Variants in LRP1B observed in about 807,000 individuals in gnomAD.
LRP1B encodes the protein LDL receptor related protein 1B, also known as low-density lipoprotein receptor-related protein 1B.
A neutral mutation model predicts 556.6 loss-of-function variants in LRP1B; 217 were observed. The ratio of observed to expected loss-of-function variants is 0.39; its 90% confidence interval spans 0.35 to 0.44. The LOEUF is 0.44. LRP1B is among the 20% of genes least tolerant of loss of function. The probability of loss-of-function intolerance (pLI) is 1.00; values close to 1 mark genes in which losing one functional copy is unlikely to be tolerated. For synonymous variants in LRP1B, 2,047 were observed against 1,865.8 expected, an observed-to-expected ratio of 1.10 and a Z score of -2.50; for missense variants, 5,053 against 5,620.8, an observed-to-expected ratio of 0.90 and a Z score of 3.23.
intron 49 of LRP1B, among the ~76,000 whole-genome samples, chr2:140,522,663 C>A (rs10177691): frequency 0.089 from 7,838 of 87,932 alleles, 645 homozygotes; most frequent in African/African-American, 0.25. Context: ...GTTGATGGAC[C>A]GCTTGCTAGA....
intron 7 of LRP1B, among the ~76,000 whole-genome samples, chr2:141,108,278 G>T (rs1360658048): frequency 1.4e-5 from 2 of 140,372 alleles, no homozygotes; most frequent in Non-Finnish European, 3.1e-5. Flanking sequence ...CAAGGTACAA[G>T]TTTAATAGCA....
At chr2:141,954,478 T>G (rs1701194883) in intron 1 of LRP1B, among the ~76,000 whole-genome samples, 2 of 152,078 alleles carry the variant, frequency 1.3e-5, no homozygotes, top group African/African-American at 2.4e-5. Context: ...CTTACTAGTT[T>G]TGTGAACCTG....
At chr2:141,571,921 T>C (rs1172979911) in intron 2 of LRP1B, among the ~76,000 whole-genome samples, 5 of 151,920 alleles carry the variant, frequency 3.3e-5, no homozygotes, top group Non-Finnish European at 7.4e-5. Flanking sequence ...CCAAGAAATA[T>C]GGGACTTCAT....
In LRP1B at chr2:141,063,371, G is replaced by A. The variant is rs185006905; in HGVS notation, c.1014-1098C>T. Among the ~76,000 whole-genome samples, 621 of 151,854 alleles carry A rather than the reference G, an allele frequency of 4.1e-3. 8 individuals are homozygous for A. The highest frequency in any genetic ancestry group is 6.6e-3 in the Non-Finnish European group (445 of 67,828). ...TTTAATTTAGTTCTCTCTGCTGTAG[G>A]AGACATTGACTAATTTTTAAACATT... On this transcript the variant is annotated intron_variant, in intron 7 of 90. Transcript: ENST00000389484.
chr2:140,669,424 A>G (rs1211567637), intron 41 of LRP1B, among the ~76,000 whole-genome samples: 1 of 152,094 alleles, frequency 6.6e-6, no homozygotes, highest in African/African-American at 2.4e-5. Context: ...AGATTTTGTA[A>G]AAGCTCTGGA....
intron 59 of LRP1B, among the ~76,000 whole-genome samples, chr2:140,483,579 T>TAC (rs1553472584): frequency 3.4e-4 from 48 of 142,454 alleles, no homozygotes; most frequent in African/African-American, 5.6e-4. Flanking sequence ...TATATATATG[T>TAC]ACACACACAT....
chr2:142,005,789 T>G (rs1466243598), intron 1 of LRP1B, among the ~76,000 whole-genome samples: 1 of 151,830 alleles, frequency 6.6e-6, no homozygotes, highest in African/African-American at 2.4e-5. Flanking sequence ...AGGCTAGTTT[T>G]GGCAAGGTAT....
chr2:140,233,881 T>G (rs1680578098), intron 90 of LRP1B, among the ~76,000 whole-genome samples: 1 of 151,318 alleles, frequency 6.6e-6, no homozygotes, highest in Middle Eastern at 3.2e-3. Context: ...AGAAATATTT[T>G]TGGACTTTTT....
intron 18 of LRP1B, 85 bp from the exon 19 acceptor site, chr2:140,952,025 A>C: frequency 1.1e-6 from 1 of 951,192 alleles, no homozygotes; most frequent in Admixed American, 1.8e-5. Context: ...ATGTGATCAG[A>C]ACTCCTTCCC....
At position 140,691,243 on chromosome 2, in the gene LRP1B, G is replaced by A. The variant is rs538991414; in HGVS notation, c.6799+9007C>T. On this transcript the variant is annotated intron_variant, in intron 41 of 90. Transcript: ENST00000389484. ...TACTAGCACTTTGGGAGGCCAAGGCGAGTGGATCACCTGAGGTTGGGAGTT... is the reference window on the plus strand; with the variant it reads ...TACTAGCACTTTGGGAGGCCAAGGCAAGTGGATCACCTGAGGTTGGGAGTT... 1.1e-3 allele frequency among the ~76,000 whole-genome samples: 164 copies of A among 152,172 alleles called. 3 individuals carry two copies. The highest frequency in any genetic ancestry group is 3.9e-4 in the Admixed American group (6 of 15,282).
At chr2:140,828,784 C>T (rs71348761) in intron 31 of LRP1B, among the ~76,000 whole-genome samples, 692 of 19,506 alleles carry the variant, frequency 0.035, 34 homozygotes, top group Middle Eastern at 0.17. Context: ...AGCGAGACTC[C>T]GTCTCAAAAA....
Position 140,456,618 on chromosome 2 carries a change from GAAAC to G in LRP1B, c.9815-19_9815-16del. 6.3e-7 allele frequency: 1 copy of G among 1,599,586 alleles called. No homozygotes were observed. The stretch of plus-strand genomic sequence containing the variant: ...ATGTTTGGAGACTAAAGATAAGAAA[GAAAC>G]AACAACAACAAAACAGGATAATCAA... On this transcript the variant is annotated splice_polypyrimidine_tract_variant and intron_variant, in intron 61 of 90. Coordinates refer to ENST00000389484, the MANE Select transcript of LRP1B (RefSeq NM_018557.3).
intron 31 of LRP1B, among the ~76,000 whole-genome samples, chr2:140,822,304 T>C (rs1395017232): frequency 6.6e-6 from 1 of 152,208 alleles, no homozygotes; most frequent in Non-Finnish European, 1.5e-5. Context: ...CTGATGTTGA[T>C]TTGTATTGAA....
At chr2:140,613,532 G>C (rs540774574) in intron 41 of LRP1B, among the ~76,000 whole-genome samples, 150 of 150,366 alleles carry the variant, frequency 1.0e-3, no homozygotes, top group Non-Finnish European at 1.7e-3. Flanking sequence ...CCAACTATAA[G>C]AATCTTCATG....
chr2:141,948,017 G>C (rs1701003784), intron 1 of LRP1B, among the ~76,000 whole-genome samples: 3 of 152,042 alleles, frequency 2.0e-5, no homozygotes, highest in African/African-American at 4.8e-5. Context: ...ATGATGATAG[G>C]CCAGGCACAG....
At chr2:140,994,170 G>A (rs1287459573) in intron 15 of LRP1B, 35 bp from the exon 16 acceptor site, 1 of 1,584,052 alleles carries the variant, frequency 6.3e-7, no homozygotes, top group Non-Finnish European at 8.6e-7. Context: ...TATGAATAAT[G>A]CTAGCTACAG....
chr2:141,172,772 T>C (rs995484872), intron 7 of LRP1B, among the ~76,000 whole-genome samples: 13 of 152,128 alleles, frequency 8.5e-5, no homozygotes, highest in African/African-American at 3.1e-4. Flanking sequence ...TGACTTAAAA[T>C]AGATTTTCTC....
chr2:141,213,216 G>T lies in LRP1B; in HGVS notation c.850+15967C>A, dbSNP rs540822187. ...ATTTTCTTGCCTCACTTTCCACAGT[G>T]CTGGGATTACAGACATGAGCCCCCA... On this transcript the variant is annotated intron_variant, in intron 6 of 90. Transcript: ENST00000389484. Among the ~76,000 whole-genome samples the T allele has an allele frequency of 2.6e-5, 4 of 151,534 alleles. No individual in the cohort carries two copies. In the South Asian group the frequency reaches 8.4e-4, roughly 32 times the overall value.
chr2:140,771,635 A>C (rs928398832), intron 33 of LRP1B, among the ~76,000 whole-genome samples: 3 of 152,170 alleles, frequency 2.0e-5, no homozygotes, highest in African/African-American at 7.2e-5. Flanking sequence ...TTAGTCAGGT[A>C]ATCACAGATA....
Sources: allele counts gnomAD v4.1 joint callset (sites outside exome capture counted in the v4.1 genomes callset), GRCh38; gene constraint gnomAD v4.1.1; transcripts MANE v1.5; gene names NCBI Gene and HGNC (gene_info 2026-07-23, HGNC 2026-07-21).